PDGFD: variants seen among roughly 807,000 people sequenced by gnomAD.
PDGFD encodes platelet-derived growth factor D.
Under a neutral mutation model 44.7 loss-of-function variants are expected in PDGFD, and 30 were observed. That is an observed-to-expected ratio of 0.67 (90% confidence interval 0.50 to 0.91). The LOEUF (loss-of-function observed/expected upper bound fraction) is 0.91, where lower values mean the gene tolerates loss of function less well. Among genes scored for constraint, PDGFD ranks in the 40% least tolerant of loss-of-function variants. PDGFD has a pLI of 0.00. For synonymous variants in PDGFD, 173 were observed against 168.4 expected, an observed-to-expected ratio of 1.03 and a Z score of -0.21; for missense variants, 445 against 457.8, an observed-to-expected ratio of 0.97 and a Z score of 0.25.
At chr11:104,126,234 G>C (rs116797143) in intron 1 of PDGFD, among the ~76,000 whole-genome samples, 1 of 152,180 alleles carries the variant, frequency 6.6e-6, no homozygotes, top group Non-Finnish European at 1.5e-5. Context: ...ACTTGGGACA[G>C]AGCAGCCTGT....
At chr11:104,124,925 G>T (rs934447542) in intron 1 of PDGFD, among the ~76,000 whole-genome samples, 2 of 152,028 alleles carry the variant, frequency 1.3e-5, no homozygotes, top group Admixed American at 1.3e-4. Context: ...TTTTACGTCA[G>T]GTGAGTCACA....
At chr11:103,942,128 T>C (rs1474931273) in intron 5 of PDGFD, among the ~76,000 whole-genome samples, 2 of 152,002 alleles carry the variant, frequency 1.3e-5, no homozygotes, top group South Asian at 2.1e-4. Context: ...CCAAATGTTA[T>C]AAATGGTTGT....
At chr11:104,049,919 T>C (rs1860502876) in intron 1 of PDGFD, among the ~76,000 whole-genome samples, 1 of 151,706 alleles carries the variant, frequency 6.6e-6, no homozygotes, top group Non-Finnish European at 1.5e-5. Flanking sequence ...TTGGAGGAGG[T>C]GGGAGAGCAA....
intron 1 of PDGFD, among the ~76,000 whole-genome samples, chr11:104,059,842 A>G (rs1860683730): frequency 6.6e-6 from 1 of 152,242 alleles, no homozygotes; most frequent in African/African-American, 2.4e-5. Flanking sequence ...CTTAGCTTAT[A>G]TATCTTGATT....
rs1252271475 is a variant in PDGFD at position 104,036,743 on chromosome 11, C to T, written c.125-36488G>A. Reference sequence around the variant, plus strand: ...CCTACCAAGTCCTGAGGAGCAGCGGCACCAACGACGCAGGCCCGCCCCAGC... The same window carrying T: ...CCTACCAAGTCCTGAGGAGCAGCGGTACCAACGACGCAGGCCCGCCCCAGC... On this transcript the variant is annotated intron_variant, in intron 1 of 6. Transcript: ENST00000393158. 1.3e-5 allele frequency: 14 copies of T among 1,113,368 alleles called. No homozygotes were observed. In the East Asian group the frequency reaches 3.1e-4, roughly 24 times the overall value. The allele number at this position is 1,113,368 out of a possible 1,614,324, so 69.0% of individuals were successfully genotyped here. A position where few individuals can be genotyped will look rare whatever the true frequency, so the allele number is the denominator to read the frequency against.
chr11:103,958,064 T>C (rs780300118), intron 3 of PDGFD, among the ~76,000 whole-genome samples: 4 of 152,000 alleles, frequency 2.6e-5, no homozygotes, highest in Non-Finnish European at 4.4e-5. Context: ...AAAAAAAAAC[T>C]CTGTGATTAA....
intron 3 of PDGFD, among the ~76,000 whole-genome samples, chr11:103,995,577 C>T (rs1300567478): frequency 2.0e-5 from 3 of 152,152 alleles, no homozygotes; most frequent in Admixed American, 1.3e-4. Flanking sequence ...CTTATGAGCC[C>T]TGAGGCTCTA....
intron 1 of PDGFD, among the ~76,000 whole-genome samples, chr11:104,151,972 T>C (rs1862252522): frequency 6.6e-6 from 1 of 152,124 alleles, no homozygotes; most frequent in Admixed American, 6.5e-5. Flanking sequence ...GGCACTCACA[T>C]GGCACTGCCT....
At chr11:104,011,416 G>A (rs1291483265) in intron 1 of PDGFD, among the ~76,000 whole-genome samples, 1 of 151,982 alleles carries the variant, frequency 6.6e-6, no homozygotes, top group African/African-American at 2.4e-5. Flanking sequence ...TTATTAAATT[G>A]TATGGCTTCA....
At chr11:103,966,253 C>T (rs1859018612) in intron 3 of PDGFD, among the ~76,000 whole-genome samples, 1 of 152,154 alleles carries the variant, frequency 6.6e-6, no homozygotes, top group Admixed American at 6.5e-5. Flanking sequence ...ATCACAGTGT[C>T]AGATAATGCT....
chr11:103,995,988 T>A (rs1859528915), intron 3 of PDGFD, 77 bp downstream of exon 3: 1 of 1,315,086 alleles, frequency 7.6e-7, no homozygotes, highest in Non-Finnish European at 1.1e-6. Context: ...CCTCACTGAA[T>A]TTGATCATAG....
intron 3 of PDGFD, among the ~76,000 whole-genome samples, chr11:103,950,625 A>C (rs1422585518): frequency 1.3e-5 from 2 of 150,330 alleles, no homozygotes; most frequent in Admixed American, 6.6e-5. Context: ...GAGATAGATG[A>C]TGTGTTCTGT....
intron 1 of PDGFD, among the ~76,000 whole-genome samples, chr11:104,070,142 T>C (rs146743256): frequency 1.9e-3 from 288 of 152,318 alleles, no homozygotes; most frequent in African/African-American, 6.6e-3. Flanking sequence ...TCTTGGACTT[T>C]CCTTGCCCCA....
chr11:104,072,825 T>A (rs1179448650), intron 1 of PDGFD, among the ~76,000 whole-genome samples: 2 of 152,068 alleles, frequency 1.3e-5, no homozygotes, highest in Non-Finnish European at 1.5e-5. Flanking sequence ...AAGTTAGACA[T>A]ACACATTTGC....
intron 1 of PDGFD, among the ~76,000 whole-genome samples, chr11:104,056,710 G>A (rs361319): frequency 0.99 from 150,380 of 152,338 alleles, 74,258 homozygotes; most frequent in East Asian, 1. Flanking sequence ...TACATTTTAA[G>A]ACAATTATTT....
At chr11:103,994,602 T>C (rs1591112114) in intron 3 of PDGFD, among the ~76,000 whole-genome samples, 1 of 152,164 alleles carries the variant, frequency 6.6e-6, no homozygotes, top group Non-Finnish European at 1.5e-5. Flanking sequence ...TTTTTTTTCT[T>C]TTCTGAAACT....
intron 1 of PDGFD, among the ~76,000 whole-genome samples, chr11:104,054,729 G>A (rs562594167): frequency 7.9e-5 from 12 of 152,258 alleles, no homozygotes; most frequent in Admixed American, 5.2e-4. Flanking sequence ...AAGGGTAAAG[G>A]GAAAACGTTG....
chr11:103,941,591 T>C (rs1215119546), intron 5 of PDGFD, among the ~76,000 whole-genome samples: 2 of 151,966 alleles, frequency 1.3e-5, no homozygotes, highest in African/African-American at 2.4e-5. Context: ...TGCACACACA[T>C]TGCCAATAAG....
At chr11:104,020,702 A>C (rs1159474629) in intron 1 of PDGFD, among the ~76,000 whole-genome samples, 1 of 152,116 alleles carries the variant, frequency 6.6e-6, no homozygotes, top group Non-Finnish European at 1.5e-5. Flanking sequence ...TAATTGCCAA[A>C]TTTCATATCT....
Sources: allele counts gnomAD v4.1 joint callset (sites outside exome capture counted in the v4.1 genomes callset), GRCh38; gene constraint gnomAD v4.1.1; transcripts MANE v1.5; gene names NCBI Gene and HGNC (gene_info 2026-07-23, HGNC 2026-07-21).